Variants in PARP15 observed in about 807,000 individuals in gnomAD.
The protein encoded by PARP15 is protein mono-ADP-ribosyltransferase PARP15.
In PARP15, 50 loss-of-function variants were observed where a neutral mutation model predicts 62.1. The ratio of observed to expected loss-of-function variants is 0.81; its 90% CI spans 0.64 to 1.02. The LOEUF (loss-of-function observed/expected upper bound fraction) is 1.02, where lower values mean the gene tolerates loss of function less well. Ranked by LOEUF, PARP15 falls within the 50% of genes least tolerant of loss-of-function variation. PARP15 has a pLI of 0.00. For missense variants in PARP15, 820 were observed against 826.5 expected, an observed-to-expected ratio of 0.99 and a Z score of 0.10; for synonymous variants, 309 against 293.1, an observed-to-expected ratio of 1.05 and a Z score of -0.55.
intron 10 of PARP15, among the ~76,000 whole-genome samples, chr3:122,633,242 T>C (rs866820974): frequency 3.3e-5 from 5 of 152,298 alleles, no homozygotes; most frequent in Middle Eastern, 6.8e-3. Flanking sequence ...TCTCAGTACC[T>C]AGGAAGCTGT....
chr3:122,583,963 C>T (rs1359951958), intron 1 of PARP15, among the ~76,000 whole-genome samples: 8 of 152,166 alleles, frequency 5.3e-5, no homozygotes, highest in African/African-American at 1.9e-4. Flanking sequence ...GGCTTCCAGG[C>T]TTCTTCTGAG....
At chr3:122,593,984 C>A (rs1934146367) in intron 1 of PARP15, among the ~76,000 whole-genome samples, 1 of 152,096 alleles carries the variant, frequency 6.6e-6, no homozygotes, top group African/African-American at 2.4e-5. Context: ...CTTTTACTTA[C>A]CCTATCTTAA....
At chr3:122,634,066 C>A (rs1394754861) in intron 10 of PARP15, among the ~76,000 whole-genome samples, 3 of 152,204 alleles carry the variant, frequency 2.0e-5, no homozygotes, top group African/African-American at 7.2e-5. Flanking sequence ...TTCAGCAGAA[C>A]AACTTTCTCA....
chr3:122,598,849 T>C (rs1486382016), intron 1 of PARP15, among the ~76,000 whole-genome samples: 1 of 152,252 alleles, frequency 6.6e-6, no homozygotes, highest in East Asian at 1.9e-4. Flanking sequence ...TATATAGAAA[T>C]ATTAGAGCAC....
intron 1 of PARP15, among the ~76,000 whole-genome samples, chr3:122,589,623 G>T (rs1300591446): frequency 6.6e-6 from 1 of 152,026 alleles, no homozygotes; most frequent in South Asian, 2.1e-4. Context: ...TTTCTTAATG[G>T]CTAACGATGT....
At chr3:122,586,595 T>G (rs1430505749) in intron 1 of PARP15, among the ~76,000 whole-genome samples, 1 of 152,234 alleles carries the variant, frequency 6.6e-6, no homozygotes, top group Non-Finnish European at 1.5e-5. Flanking sequence ...CTTAGAACTA[T>G]TTAGTTTTAT....
chr3:122,592,358 A>G (rs566694262), intron 1 of PARP15, among the ~76,000 whole-genome samples: 37 of 152,292 alleles, frequency 2.4e-4, no homozygotes, highest in African/African-American at 8.7e-4. Flanking sequence ...CAAACACCAC[A>G]TGTTCTCACT....
intron 1 of PARP15, among the ~76,000 whole-genome samples, chr3:122,596,354 C>CAAAAAAAAAAAA (rs35559014): frequency 4.3e-5 from 2 of 46,916 alleles, no homozygotes; most frequent in African/African-American, 8.9e-5. Context: ...GACTCCATCT[C>CAAAAAAAAAAAA]AAAAAAAAAA....
At chr3:122,607,305 T>C (rs1402835875) in intron 2 of PARP15, among the ~76,000 whole-genome samples, 2 of 152,210 alleles carry the variant, frequency 1.3e-5, no homozygotes, top group Non-Finnish European at 2.9e-5. Flanking sequence ...ACTCTAGTTA[T>C]AGGCATAGTG....
At chr3:122,619,435 T>C (rs920311097) in intron 6 of PARP15, among the ~76,000 whole-genome samples, 4 of 152,240 alleles carry the variant, frequency 2.6e-5, no homozygotes, top group Non-Finnish European at 4.4e-5. Context: ...GATCCATGCT[T>C]CTCAGTATCA....
intron 4 of PARP15, chr3:122,614,950 A>C: frequency 4.2e-6 from 2 of 480,298 alleles, no homozygotes; most frequent in Non-Finnish European, 5.4e-6. Flanking sequence ...GGATCAGTTG[A>C]GTCCAGGGGG....
At chr3:122,577,962 C>G in intron 1 of PARP15, 109 bp downstream of exon 1, 1 of 1,247,524 alleles carries the variant, frequency 8.0e-7, no homozygotes, top group South Asian at 1.6e-5. Context: ...ACGCACAACC[C>G]TCTCTTCTAG....
rs1211221137 is a variant in PARP15, at chr3:122,614,003, G to A, written c.771+735G>A. On this transcript the variant is annotated intron_variant, in intron 4 of 11. Transcript: ENST00000464300. ...TGGGATTACAGGCATGTGCTACCAC[G>A]CTCGGCTAATTTTTGTATTATTAGT... 5.9e-5 allele frequency among the ~76,000 whole-genome samples: 9 copies of A among 151,690 alleles called. No homozygotes were observed. The East Asian group carries it at 1.2e-3, about 20-fold the overall frequency.
intron 1 of PARP15, among the ~76,000 whole-genome samples, chr3:122,584,964 G>GT (rs1414573483): frequency 2.0e-5 from 3 of 152,012 alleles, no homozygotes; most frequent in African/African-American, 7.2e-5. Flanking sequence ...AATCATGTTG[G>GT]TTTTTTTCCT....
chr3:122,591,674 T>C (rs1234363715), intron 1 of PARP15, among the ~76,000 whole-genome samples: 1 of 151,240 alleles, frequency 6.6e-6, no homozygotes, highest in Non-Finnish European at 1.5e-5. Context: ...GGCAGGAGAA[T>C]TGCTTGAACC....
rs879847049 is a variant in PARP15 at position 122,615,852 on chromosome 3, C to T, written c.845C>T (p.Thr282Ile). 3.7e-6 allele frequency: 6 copies of T among 1,611,824 alleles called. No individual in the cohort carries two copies. Among genetic ancestry groups the T allele is most frequent in the Non-Finnish European group, 5.1e-6 (6 of 1,178,320 alleles). Residue 282 changes from threonine to isoleucine, a missense_variant, in exon 5 of 12, where the codon ACC (threonine) becomes ATC (isoleucine). Thr to Ile is a moderately conservative substitution (Grantham distance 89). Coordinates refer to ENST00000464300, the MANE Select transcript of PARP15 (RefSeq NM_001113523.3). ...NKARIPMAGD[T>I]QGVVGTVSKP... is the part of the protein sequence containing the mutation. Reference sequence around the variant, plus strand: ...GCCAGGATTCCCATGGCAGGAGATACCCAAGGTCTGGTAAAGTCGTTCTGC... The same window carrying T: ...GCCAGGATTCCCATGGCAGGAGATATCCAAGGTCTGGTAAAGTCGTTCTGC...
At chr3:122,590,037 C>T (rs939371233) in intron 1 of PARP15, among the ~76,000 whole-genome samples, 2 of 151,664 alleles carry the variant, frequency 1.3e-5, no homozygotes, top group Admixed American at 6.6e-5. Context: ...AGGTGCCCTT[C>T]ACCACGCCTG....
intron 9 of PARP15, among the ~76,000 whole-genome samples, 193 bp downstream of exon 9, chr3:122,627,226 G>A (rs1280664557): frequency 6.6e-6 from 1 of 152,120 alleles, no homozygotes; most frequent in Non-Finnish European, 1.5e-5. Flanking sequence ...TTTCCTGAGA[G>A]GCAAAATCAT....
chr3:122,634,858 C>T (rs1245880583), intron 10 of PARP15, among the ~76,000 whole-genome samples, 162 bp from the exon 11 acceptor site: 1 of 152,250 alleles, frequency 6.6e-6, no homozygotes, highest in Non-Finnish European at 1.5e-5. Context: ...AAGCTGCCTA[C>T]TCTCTGAATT....
Sources: gnomAD v4.1 joint callset for allele counts (sites outside exome capture counted in the v4.1 genomes callset) on GRCh38, gnomAD v4.1.1 for gene constraint, MANE v1.5 for transcripts, NCBI Gene and HGNC (gene_info 2026-07-23, HGNC 2026-07-21) for gene names.